The following DSCAML1 variants were observed in gnomAD, a reference collection of about 807,000 sequenced individuals.
The protein encoded by DSCAML1 is cell adhesion molecule DSCAML1.
In DSCAML1, 38 loss-of-function variants were observed where a neutral mutation model predicts 200.5. The ratio of observed to expected loss-of-function variants is 0.19; its 90% confidence interval spans 0.15 to 0.25. DSCAML1 has a LOEUF of 0.25. Among genes scored for constraint, DSCAML1 ranks in the 10% least tolerant of loss-of-function variants. The pLI, the probability that DSCAML1 is intolerant of heterozygous loss-of-function variation, is 1.00. For synonymous variants in DSCAML1, 1,215 were observed against 1,165.0 expected, an observed-to-expected ratio of 1.04 and a Z score of -0.87; for missense variants, 2,223 against 2,858.8, an observed-to-expected ratio of 0.78 and a Z score of 5.07.
intron 3 of DSCAML1, among the ~76,000 whole-genome samples, chr11:117,576,674 GCTGA>G (rs1415240988): frequency 2.0e-5 from 3 of 152,058 alleles, no homozygotes; most frequent in Non-Finnish European, 4.4e-5. Flanking sequence ...CAGAGTCAAG[GCTGA>G]CTGTTTCCAC....
At position 117,432,504 on chromosome 11, in the gene DSCAML1, C is replaced by T. The variant is rs1270937039; in HGVS notation, c.5027G>A (p.Gly1676Glu). The stretch of plus-strand genomic sequence containing the variant: ...CACAGGGATGGTGGCCTTGTCATCT[C>T]CTGGGGAAAGAAGGACAATTACTGG... ...IEDKEGIKQL[G>E]DDKATIPVTD... is the part of the protein sequence containing the mutation. Residue 1676 changes from glycine (G) to glutamate (E), a missense_variant and splice_region_variant, in exon 30 of 33, where the codon GGA (glycine) becomes GAA (glutamate). Physicochemically the swap from Gly to Glu is moderately conservative, Grantham distance 98 (BLOSUM62 -2). Coordinates refer to ENST00000651296, the MANE Select transcript of DSCAML1 (RefSeq NM_020693.4). The T allele has an allele frequency of 1.2e-6, 2 of 1,612,988 alleles. No homozygotes were observed. Among genetic ancestry groups the T allele is most frequent in the Non-Finnish European group, 1.7e-6 (2 of 1,179,762 alleles).
At position 117,583,158 on chromosome 11, in the gene DSCAML1, C is replaced by T. The variant is rs553984226; in HGVS notation, c.512-50636G>A. On this transcript the variant is annotated intron_variant, in intron 3 of 32. Coordinates refer to ENST00000651296, the MANE Select transcript of DSCAML1 (RefSeq NM_020693.4). ...CCTTTCCCCTCCGCATGCTGATGGGCGGGGCCTGGACAGGTCTGGGACCCT... is the reference window on the plus strand; with the variant it reads ...CCTTTCCCCTCCGCATGCTGATGGGTGGGGCCTGGACAGGTCTGGGACCCT... 3.3e-5 allele frequency among the ~76,000 whole-genome samples: 5 copies of T among 152,050 alleles called. No homozygotes were observed. The South Asian group carries it at 6.3e-4, about 19-fold the overall frequency.
intron 3 of DSCAML1, among the ~76,000 whole-genome samples, chr11:117,554,089 G>A (rs11216452): frequency 0.34 from 51,855 of 152,128 alleles, 10,294 homozygotes; most frequent in Non-Finnish European, 0.44. Flanking sequence ...CTTATGTGAG[G>A]TCCCTAGAGT....
Position 117,480,349 on chromosome 11 carries a change from G to T in DSCAML1, c.2785+94C>A. The stretch of plus-strand genomic sequence containing the variant: ...TCTAGCTTGGATGGGCAGCCCTAAG[G>T]CTCAGGGGCTCTCCTCCCAGAGGGC... On this transcript the variant is annotated intron_variant, in intron 14 of 32. Coordinates refer to ENST00000651296, the MANE Select transcript of DSCAML1 (RefSeq NM_020693.4). This position sits in a 1 kb window ranked among gnomAD's most constrained non-coding sequence, Gnocchi z 4.1. 1.9e-6 allele frequency: 3 copies of T among 1,548,172 alleles called. No individual in the cohort carries two copies. Among genetic ancestry groups the T allele is most frequent in the East Asian group, 2.3e-5 (1 of 42,554 alleles).
intron 3 of DSCAML1, among the ~76,000 whole-genome samples, chr11:117,660,919 C>T (rs2052835557): frequency 6.6e-6 from 1 of 152,168 alleles, no homozygotes; most frequent in Non-Finnish European, 1.5e-5. Flanking sequence ...ACTGCTGATG[C>T]CTAAAATCCC....
At chr11:117,782,817 G>C (rs995745384) in intron 1 of DSCAML1, among the ~76,000 whole-genome samples, 31 of 151,998 alleles carry the variant, frequency 2.0e-4, no homozygotes, top group African/African-American at 7.5e-4. Context: ...ATAACACTAA[G>C]AGACAACACT....
intron 3 of DSCAML1, among the ~76,000 whole-genome samples, chr11:117,597,685 A>G (rs938579690): frequency 1.3e-5 from 2 of 151,980 alleles, no homozygotes; most frequent in African/African-American, 4.8e-5. Flanking sequence ...CCAACTCCTG[A>G]CCTCAAGTGA....
chr11:117,492,566 G>T (rs891591976), intron 11 of DSCAML1, among the ~76,000 whole-genome samples: 1 of 152,172 alleles, frequency 6.6e-6, no homozygotes, highest in Non-Finnish European at 1.5e-5. Flanking sequence ...AGGTGAGGGG[G>T]CCCCTCCTTT....
chr11:117,566,185 C>T (rs775463459), intron 3 of DSCAML1, among the ~76,000 whole-genome samples: 13 of 152,198 alleles, frequency 8.5e-5, no homozygotes, highest in Non-Finnish European at 1.5e-4. Flanking sequence ...TATAGAGTGA[C>T]TTGTACAAAA....
chr11:117,785,304 GA>G (rs1452857959), intron 1 of DSCAML1, among the ~76,000 whole-genome samples: 4 of 152,194 alleles, frequency 2.6e-5, no homozygotes, highest in Non-Finnish European at 4.4e-5. Context: ...GAGGGAAGGG[GA>G]AAGTTATTCA....
chr11:117,609,031 C>CA (rs550754227), intron 3 of DSCAML1, among the ~76,000 whole-genome samples: 29,333 of 122,382 alleles, frequency 0.24, 3,169 homozygotes, highest in East Asian at 0.34. Context: ...AACAAACAAA[C>CA]AAACAAAAAA....
chr11:117,517,176 GT>G (rs1222821422), intron 7 of DSCAML1, among the ~76,000 whole-genome samples: 6 of 152,148 alleles, frequency 3.9e-5, no homozygotes, highest in African/African-American at 1.4e-4. Context: ...TTTTGATCTC[GT>G]ACCCAAAAGG....
chr11:117,528,422 T>A (rs1176396071), intron 4 of DSCAML1, among the ~76,000 whole-genome samples: 2 of 152,170 alleles, frequency 1.3e-5, no homozygotes, highest in Admixed American at 1.3e-4. Context: ...TGCTGCGGCG[T>A]GTACATGGCG....
chr11:117,754,228 T>C (rs1042029605), intron 3 of DSCAML1, among the ~76,000 whole-genome samples: 4 of 152,152 alleles, frequency 2.6e-5, no homozygotes, highest in Admixed American at 2.0e-4. Flanking sequence ...CCAGCACCAA[T>C]CACTCCATGA....
rs75603981 is a variant in DSCAML1 at position 117,480,432 on chromosome 11, C to T, written c.2785+11G>A. Reference sequence around the variant, plus strand: ...CAGGCCACGCTGTCACCCTCCTGGCCCAGCGCCTACCTGATTTGTTCTTGT... The same window carrying T: ...CAGGCCACGCTGTCACCCTCCTGGCTCAGCGCCTACCTGATTTGTTCTTGT... On this transcript the variant is annotated intron_variant, in intron 14 of 32. Transcript: ENST00000651296. This position sits in a 1 kb window ranked among gnomAD's most constrained non-coding sequence, Gnocchi z 4.1. The T allele has an allele frequency of 4.0e-3, 6,424 of 1,613,148 alleles. 175 individuals are homozygous for T. The African/African-American group carries it at 0.069, about 17-fold the overall frequency.
chr11:117,437,429 G>C lies in DSCAML1; in HGVS notation c.4433-20C>G. ...AGGGCTCTGGCAGGCCGGAGGGAGA[G>C]AGAGAGGTTAGAGAGATTTGGTGGG... On this transcript the variant is annotated intron_variant, in intron 25 of 32. Transcript: ENST00000651296. This position sits in a 1 kb window ranked among gnomAD's most constrained non-coding sequence, Gnocchi z 5.3. 1.2e-6 allele frequency: 2 copies of C among 1,606,576 alleles called. No individual in the cohort carries two copies. The highest frequency in any genetic ancestry group is 1.1e-5 in the South Asian group (1 of 90,114).
At chr11:117,772,645 T>C (rs2055060212) in intron 3 of DSCAML1, among the ~76,000 whole-genome samples, 1 of 152,224 alleles carries the variant, frequency 6.6e-6, no homozygotes, top group Non-Finnish European at 1.5e-5. Context: ...TGGTGGAAAT[T>C]AAAAGCTATT....
intron 8 of DSCAML1, among the ~76,000 whole-genome samples, chr11:117,514,687 A>C (rs542343688): frequency 7.4e-6 from 1 of 134,788 alleles, no homozygotes; most frequent in East Asian, 2.3e-4. Flanking sequence ...GGTTCAAGTT[A>C]TTCTCCTGCT....
At chr11:117,520,860 G>A (rs1779689151) in intron 6 of DSCAML1, among the ~76,000 whole-genome samples, 1 of 152,132 alleles carries the variant, frequency 6.6e-6, no homozygotes, top group Non-Finnish European at 1.5e-5. Context: ...AGCCAGGGAG[G>A]TTGAGGCTGC....
Sources: gnomAD v4.1 joint callset for allele counts (sites outside exome capture counted in the v4.1 genomes callset) on GRCh38, gnomAD v4.1.1 for gene constraint, Gnocchi (gnomAD v3.1) non-coding constraint, MANE v1.5 for transcripts, NCBI Gene and HGNC (gene_info 2026-07-23, HGNC 2026-07-21) for gene names.